The following CCDC141 variants were observed in gnomAD, a reference collection of about 807,000 sequenced individuals.
CCDC141 encodes the protein coiled-coil domain-containing protein 141.
In CCDC141, 168 loss-of-function variants were observed where a neutral mutation model predicts 181.0. The ratio of observed to expected loss-of-function variants is 0.93; its 90% CI spans 0.82 to 1.05. The LOEUF is 1.05. Among genes scored for constraint, CCDC141 ranks in the 50% least tolerant of loss-of-function variants. The pLI, the probability that CCDC141 is intolerant of heterozygous loss-of-function variation, is 0.00. For missense variants in CCDC141, 1,902 were observed against 1,788.5 expected (o/e 1.06, Z -1.14); for synonymous variants, 666 against 642.3 (o/e 1.04, Z -0.56).
At chr2:178,863,180 ACT>A (rs1452919684) in intron 17 of CCDC141, among the ~76,000 whole-genome samples, 4 of 151,974 alleles carry the variant, frequency 2.6e-5, no homozygotes, top group African/African-American at 4.8e-5. Flanking sequence ...CTGAGCTGAA[ACT>A]CTGTTGTCCT....
intron 6 of CCDC141, among the ~76,000 whole-genome samples, chr2:178,938,287 T>G (rs946997979): frequency 6.6e-6 from 1 of 152,184 alleles, no homozygotes; most frequent in African/African-American, 2.4e-5. Flanking sequence ...GATTCTAGTA[T>G]GTTGTATCTT....
rs148595346 is a variant in CCDC141, at chr2:178,868,408, TAAA to T, written c.2395-206_2395-204del. Reference sequence around the variant, plus strand: ...GAACTGCTAACGTTGTCAGTTCCATTAAAGAAGGAAACAGTCTTTTTGGTCATG... The same window carrying T: ...GAACTGCTAACGTTGTCAGTTCCATTGAAGGAAACAGTCTTTTTGGTCATG... On this transcript the variant is annotated intron_variant, in intron 15 of 23. Transcript: ENST00000443758. Among the ~76,000 whole-genome samples the T allele has an allele frequency of 5.8e-4, 89 of 152,236 alleles. 1 individual carries two copies. The highest frequency in any genetic ancestry group is 1.8e-3 in the African/African-American group (73 of 41,540).
At chr2:179,025,892 G>C (rs892140060) in intron 2 of CCDC141, among the ~76,000 whole-genome samples, 3 of 152,126 alleles carry the variant, frequency 2.0e-5, no homozygotes, top group Non-Finnish European at 4.4e-5. Context: ...CAAAGAGATT[G>C]GTGGTATTTT....
intron 11 of CCDC141, among the ~76,000 whole-genome samples, chr2:178,880,444 G>A (rs138398458): frequency 3.3e-5 from 5 of 152,254 alleles, no homozygotes; most frequent in Admixed American, 6.5e-5. Context: ...AATTGAGCAG[G>A]CAGAAGATGA....
intron 2 of CCDC141, among the ~76,000 whole-genome samples, chr2:179,011,116 C>T (rs1387160639): frequency 2.6e-5 from 4 of 152,038 alleles, no homozygotes; most frequent in African/African-American, 4.8e-5. Flanking sequence ...CGAGATCACA[C>T]CATTGCACTC....
intron 5 of CCDC141, among the ~76,000 whole-genome samples, chr2:178,957,457 T>A (rs1296622966): frequency 6.6e-6 from 1 of 152,218 alleles, no homozygotes; most frequent in Non-Finnish European, 1.5e-5. Context: ...GAACGCTCAT[T>A]CATTGCTGGT....
At chr2:178,843,404 C>T (rs552958836) in intron 22 of CCDC141, among the ~76,000 whole-genome samples, 26 of 152,300 alleles carry the variant, frequency 1.7e-4, no homozygotes, top group African/African-American at 3.6e-4. Context: ...AATAGTTGCA[C>T]GACTTTAGGT....
intron 2 of CCDC141, among the ~76,000 whole-genome samples, chr2:179,019,881 C>G (rs1330081217): frequency 3.3e-5 from 5 of 152,154 alleles, no homozygotes; most frequent in African/African-American, 1.2e-4. Flanking sequence ...ATCTTCCTAC[C>G]TTAGCCTCCC....
intron 8 of CCDC141, among the ~76,000 whole-genome samples, chr2:178,904,990 G>A (rs186201529): frequency 6.6e-6 from 1 of 152,288 alleles, no homozygotes; most frequent in Non-Finnish European, 1.5e-5. Flanking sequence ...TGAACCAAAG[G>A]GAAGGAGCTA....
In CCDC141 at chr2:178,856,372, T is replaced by C. The variant is rs756326458; in HGVS notation, c.2750A>G (p.Lys917Arg). 5.0e-6 allele frequency: 8 copies of C among 1,598,500 alleles called. No homozygotes were observed. The highest frequency in any genetic ancestry group is 2.2e-5 in the East Asian group (1 of 44,690). ...AAACTTCAAATTATTGAATTTCTTT[T>C]TGATATCTTTGAATGAGTCTTTGAG... ...NELKDSFKDI[K>R]KKFNNLKFNY... Residue 917 changes from lysine (K) to arginine (R), a missense_variant, in exon 18 of 24, where the codon AAA (lysine) becomes AGA (arginine). Lys to Arg is a conservative substitution (Grantham distance 26). Transcript: ENST00000443758.
chr2:178,907,710 T>A (rs1688034480), intron 7 of CCDC141, among the ~76,000 whole-genome samples: 1 of 152,124 alleles, frequency 6.6e-6, no homozygotes, highest in Admixed American at 6.5e-5. Context: ...GAAAAGATGA[T>A]TAGCCAGGCA....
intron 13 of CCDC141, 138 bp downstream of exon 13, chr2:178,871,995 T>G: frequency 1.2e-6 from 1 of 839,814 alleles, no homozygotes; most frequent in Non-Finnish European, 1.8e-6. Flanking sequence ...TACAGGGACC[T>G]CATTTATAAG....
chr2:178,817,087 C>T, the CCDC141 span, among the ~76,000 whole-genome samples: 17,463 of 152,192 alleles, frequency 0.11, 1,496 homozygotes, highest in Admixed American at 0.29. Flanking sequence ...GTTATGGATA[C>T]TTCCACATAT....
chr2:179,025,470 G>T (rs2042813394), intron 2 of CCDC141, among the ~76,000 whole-genome samples: 1 of 152,094 alleles, frequency 6.6e-6, no homozygotes, highest in Admixed American at 6.5e-5. Context: ...CTCTTCATCT[G>T]CTGCCATCCA....
chr2:178,931,526 T>C (rs959281648), intron 6 of CCDC141, among the ~76,000 whole-genome samples: 1 of 152,188 alleles, frequency 6.6e-6, no homozygotes, highest in East Asian at 1.9e-4. Flanking sequence ...GCAACATGGA[T>C]AGACCTGAAA....
At chr2:178,834,853 T>C (rs1020719504) in intron 23 of CCDC141, among the ~76,000 whole-genome samples, 3 of 151,530 alleles carry the variant, frequency 2.0e-5, no homozygotes, top group African/African-American at 7.3e-5. Context: ...TAGCTGGTAT[T>C]ATGCGCTGTT....
At chr2:178,823,412 A>C in the CCDC141 span, among the ~76,000 whole-genome samples, 1 of 152,328 alleles carries the variant, frequency 6.6e-6, no homozygotes, top group South Asian at 2.1e-4. Flanking sequence ...TATACATTTT[A>C]TTATTAGCAT....
chr2:178,868,650 A>C (rs1685967144), intron 15 of CCDC141, among the ~76,000 whole-genome samples: 1 of 149,710 alleles, frequency 6.7e-6, no homozygotes, highest in African/African-American at 2.5e-5. Context: ...TTTCGCCCTC[A>C]AAGAGCCTAG....
chr2:178,818,750 T>C, the CCDC141 span, among the ~76,000 whole-genome samples: 1 of 152,250 alleles, frequency 6.6e-6, no homozygotes, highest in Non-Finnish European at 1.5e-5. Flanking sequence ...CATGGGCATG[T>C]ATCTTTATAA....
Sources: allele counts gnomAD v4.1 joint callset (sites outside exome capture counted in the v4.1 genomes callset), GRCh38; gene constraint gnomAD v4.1.1; transcripts MANE v1.5; gene names NCBI Gene and HGNC (gene_info 2026-07-23, HGNC 2026-07-21).